Variants in ITGA8 observed in about 807,000 individuals in gnomAD.
ITGA8 encodes the protein integrin alpha-8.
In ITGA8, 91 loss-of-function variants were observed where a neutral mutation model predicts 142.3. That is an observed-to-expected ratio of 0.64 (90% CI 0.54 to 0.76). ITGA8 has a LOEUF of 0.76. Among genes scored for constraint, ITGA8 ranks in the 30% least tolerant of loss-of-function variants. The pLI is 0.00. For missense variants in ITGA8, 1,406 were observed against 1,327.7 expected (o/e 1.06, Z -0.92); for synonymous variants, 505 against 485.2 (o/e 1.04, Z -0.54).
chr10:15,708,156 T>C (rs1835296547), intron 2 of ITGA8, among the ~76,000 whole-genome samples: 1 of 152,342 alleles, frequency 6.6e-6, no homozygotes, highest in Admixed American at 6.5e-5. Flanking sequence ...TAGTAGCCCC[T>C]GAAATTTAAT....
intron 13 of ITGA8, among the ~76,000 whole-genome samples, chr10:15,616,821 A>G (rs760144437): frequency 6.6e-6 from 1 of 152,318 alleles, no homozygotes; most frequent in Admixed American, 6.5e-5. Context: ...TCATCATCGC[A>G]TCACTTTTCC....
chr10:15,616,521 C>T lies in ITGA8; in HGVS notation c.1438G>A (p.Val480Ile). Residue 480 changes from valine (V) to isoleucine (I), a missense_variant, in exon 14 of 30, where the codon GTT becomes ATT. By Grantham distance (29) the Val-to-Ile change is conservative (BLOSUM62 3). Transcript: ENST00000378076. ...VGAFGTGKVA[V>I]YRARPVVTVD... is the part of the protein sequence containing the mutation. ...ATACTACCAACCACATACCTGTAAACAGCGACTTTTCCTGTTCCAAATGCA... is the reference window on the plus strand; with the variant it reads ...ATACTACCAACCACATACCTGTAAATAGCGACTTTTCCTGTTCCAAATGCA... 3 of 1,610,648 alleles carry T rather than the reference C, an allele frequency of 1.9e-6. No individual in the cohort carries two copies. Among genetic ancestry groups the T allele is most frequent in the Non-Finnish European group, 1.7e-6 (2 of 1,177,886 alleles).
At chr10:15,590,093 T>C (rs1184210975) in intron 22 of ITGA8, among the ~76,000 whole-genome samples, 1 of 152,228 alleles carries the variant, frequency 6.6e-6, no homozygotes, top group African/African-American at 2.4e-5. Context: ...TTTATATGTA[T>C]AATACATGTT....
intron 2 of ITGA8, among the ~76,000 whole-genome samples, chr10:15,698,037 G>A (rs1055604984): frequency 6.6e-6 from 1 of 152,162 alleles, no homozygotes; most frequent in African/African-American, 2.4e-5. Flanking sequence ...TACCCAATGT[G>A]TAGTCTTTTA....
intron 13 of ITGA8, among the ~76,000 whole-genome samples, chr10:15,639,129 C>T (rs1412678257): frequency 6.6e-6 from 1 of 150,510 alleles, no homozygotes; most frequent in Non-Finnish European, 1.5e-5. Flanking sequence ...GTTCCTATCT[C>T]TTAAAAAAAA....
At chr10:15,573,944 C>T (rs1312947199) in intron 24 of ITGA8, among the ~76,000 whole-genome samples, 1 of 151,430 alleles carries the variant, frequency 6.6e-6, no homozygotes, top group South Asian at 2.1e-4. Context: ...TAAACTAACC[C>T]TTTGCTATAT....
At position 15,572,423 on chromosome 10, in the gene ITGA8, A is replaced by G. The variant is rs1368508937; in HGVS notation, c.2479-54T>C. Reference sequence around the variant, plus strand: ...ACCCAGCAGAAGGCAGAGAGATAAAATCAAACTCCATATACTCTATACCCA... The same window carrying G: ...ACCCAGCAGAAGGCAGAGAGATAAAGTCAAACTCCATATACTCTATACCCA... On this transcript the variant is annotated intron_variant, in intron 24 of 29. Coordinates refer to ENST00000378076, the MANE Select transcript of ITGA8 (RefSeq NM_003638.3). 2.6e-6 allele frequency: 4 copies of G among 1,519,154 alleles called. No individual in the cohort carries two copies. In the Admixed American group the frequency reaches 6.8e-5, roughly 26 times the overall value. The allele number at this position is 1,519,154 out of a possible 1,614,324, so 94.1% of individuals were successfully genotyped here. A position where few individuals can be genotyped will look rare whatever the true frequency, so the allele number is the denominator to read the frequency against.
intron 25 of ITGA8, among the ~76,000 whole-genome samples, chr10:15,560,582 G>T (rs754289836): frequency 6.6e-5 from 10 of 152,048 alleles, no homozygotes; most frequent in African/African-American, 1.9e-4. Flanking sequence ...GCATATACAG[G>T]TTACTGATTA....
chr10:15,668,017 T>C (rs1338841046), intron 8 of ITGA8, among the ~76,000 whole-genome samples: 5 of 152,254 alleles, frequency 3.3e-5, no homozygotes, highest in Non-Finnish European at 7.3e-5. Flanking sequence ...TGGAGAGTTC[T>C]GTAGATGTCT....
chr10:15,658,312 A>T (rs1834223466), intron 10 of ITGA8, among the ~76,000 whole-genome samples: 1 of 152,214 alleles, frequency 6.6e-6, no homozygotes, highest in Non-Finnish European at 1.5e-5. Context: ...CCCATATCTT[A>T]CATCAAAACC....
chr10:15,559,450 C>T (rs1371552514), intron 25 of ITGA8, among the ~76,000 whole-genome samples: 1 of 152,092 alleles, frequency 6.6e-6, no homozygotes, highest in Non-Finnish European at 1.5e-5. Flanking sequence ...TCACTTAGAG[C>T]CTCCCAGGAA....
chr10:15,665,136 T>C (rs1021914701), intron 8 of ITGA8, among the ~76,000 whole-genome samples: 3 of 152,206 alleles, frequency 2.0e-5, no homozygotes, highest in Non-Finnish European at 2.9e-5. Flanking sequence ...CCACCAACAG[T>C]GTGAAAGTGT....
intron 15 of ITGA8, among the ~76,000 whole-genome samples, chr10:15,613,231 C>G (rs933793749): frequency 6.6e-6 from 1 of 151,690 alleles, no homozygotes; most frequent in Non-Finnish European, 1.5e-5. Context: ...GCTTGAAAAG[C>G]AGTATCTATA....
At chr10:15,678,137 C>T (rs1013926990) in intron 5 of ITGA8, among the ~76,000 whole-genome samples, 2 of 152,062 alleles carry the variant, frequency 1.3e-5, no homozygotes, top group East Asian at 3.8e-4. Context: ...ACATCCTCAC[C>T]TTTCGTGCCT....
chr10:15,712,596 A>G (rs1336628905), intron 2 of ITGA8, among the ~76,000 whole-genome samples: 1 of 152,164 alleles, frequency 6.6e-6, no homozygotes, highest in Non-Finnish European at 1.5e-5. Context: ...ACCAGACTCC[A>G]TTTCAAAAAA....
intron 2 of ITGA8, among the ~76,000 whole-genome samples, chr10:15,688,344 G>A (rs997556151): frequency 5.4e-5 from 8 of 148,886 alleles, no homozygotes; most frequent in African/African-American, 2.0e-4. Context: ...GGTGGCTTAT[G>A]CCTGTAGTCC....
chr10:15,640,961 T>C (rs1334804540), intron 13 of ITGA8, among the ~76,000 whole-genome samples: 1 of 152,176 alleles, frequency 6.6e-6, no homozygotes. Context: ...TAGCAGATGA[T>C]GGGTGTGAGC....
intron 23 of ITGA8, among the ~76,000 whole-genome samples, chr10:15,586,039 G>C (rs1277636391): frequency 6.7e-6 from 1 of 148,560 alleles, no homozygotes; most frequent in Non-Finnish European, 1.5e-5. Context: ...TCAATTTGGG[G>C]AATAAAGTGA....
chr10:15,553,243 C>T (rs574306406), intron 26 of ITGA8, among the ~76,000 whole-genome samples: 30 of 150,364 alleles, frequency 2.0e-4, no homozygotes, highest in East Asian at 3.9e-4. Flanking sequence ...GGCGACAGAA[C>T]GAGACTCTAT....
Sources: gnomAD v4.1 joint callset for allele counts (sites outside exome capture counted in the v4.1 genomes callset) on GRCh38, gnomAD v4.1.1 for gene constraint, MANE v1.5 for transcripts, NCBI Gene and HGNC (gene_info 2026-07-23, HGNC 2026-07-21) for gene names.